The following CCDC171 variants were observed in gnomAD, a reference collection of about 807,000 sequenced individuals.
The protein encoded by CCDC171 is coiled-coil domain-containing protein 171.
A neutral mutation model predicts 168.2 loss-of-function variants in CCDC171; 177 were observed. The ratio of observed to expected loss-of-function variants is 1.05; its 90% CI spans 0.93 to 1.19. CCDC171 has a LOEUF of 1.19. Among genes scored for constraint, CCDC171 ranks in the 50% most tolerant of loss-of-function variants. The pLI is 0.00. For missense variants in CCDC171, 1,991 were observed against 1,539.0 expected (o/e 1.29, Z -4.91); for synonymous variants, 687 against 540.8 (o/e 1.27, Z -3.75).
chr9:15,586,444 A>G (rs1325231788), intron 4 of CCDC171, among the ~76,000 whole-genome samples: 4 of 152,216 alleles, frequency 2.6e-5, no homozygotes, highest in Non-Finnish European at 5.9e-5. Context: ...ATGGATGAGG[A>G]ATAACTGAGT....
intron 24 of CCDC171, among the ~76,000 whole-genome samples, chr9:15,914,399 A>G (rs1399340956): frequency 6.6e-6 from 1 of 152,170 alleles, no homozygotes; most frequent in Non-Finnish European, 1.5e-5. Context: ...GCTGAACTGC[A>G]GTGGGCTCTG....
intron 24 of CCDC171, among the ~76,000 whole-genome samples, chr9:15,906,801 A>G (rs1015660402): frequency 6.6e-6 from 1 of 152,130 alleles, no homozygotes; most frequent in African/African-American, 2.4e-5. Context: ...AATCTCCTTA[A>G]GCTGATAAGC....
intron 16 of CCDC171, among the ~76,000 whole-genome samples, chr9:15,741,263 C>T (rs866308331): frequency 6.6e-6 from 1 of 152,146 alleles, no homozygotes; most frequent in East Asian, 1.9e-4. Flanking sequence ...AAACAGAAAC[C>T]CTGAACTCGT....
At chr9:16,042,603 C>G (rs1293922589), upstream of CCDC171, among the ~76,000 whole-genome samples, 1 of 151,812 alleles carries the variant, frequency 6.6e-6, no homozygotes, top group Non-Finnish European at 1.5e-5. Flanking sequence ...AGCTCAGTCT[C>G]TGGGGCACAT....
chr9:15,630,741 C>G (rs1208701457), intron 7 of CCDC171, among the ~76,000 whole-genome samples: 2 of 151,680 alleles, frequency 1.3e-5, no homozygotes, highest in East Asian at 1.9e-4. Flanking sequence ...CAGCACCACA[C>G]CTACTCCAAA....
intron 25 of CCDC171, among the ~76,000 whole-genome samples, chr9:15,942,598 A>G (rs1430656873): frequency 1.3e-5 from 2 of 152,082 alleles, no homozygotes; most frequent in East Asian, 3.9e-4. Context: ...GGTGAGGAAT[A>G]TACTAGTAGA....
chr9:15,596,807 C>G (rs2042403745), intron 6 of CCDC171, among the ~76,000 whole-genome samples: 1 of 151,980 alleles, frequency 6.6e-6, no homozygotes, highest in Admixed American at 6.6e-5. Flanking sequence ...TGTTTGTATC[C>G]TCTTTTATTT....
chr9:15,837,274 T>C (rs898360718), intron 21 of CCDC171, among the ~76,000 whole-genome samples: 5 of 152,300 alleles, frequency 3.3e-5, no homozygotes, highest in South Asian at 4.1e-4. Flanking sequence ...CACCACTAGA[T>C]GGCGATCTCG....
chr9:15,993,473 C>T (rs1388910933), intron 3 of CCDC171, among the ~76,000 whole-genome samples: 1 of 152,138 alleles, frequency 6.6e-6, no homozygotes, highest in African/African-American at 2.4e-5. Flanking sequence ...AAATGGTAGG[C>T]CTAAACCCAT....
chr9:15,714,495 T>G (rs775096938), intron 11 of CCDC171, among the ~76,000 whole-genome samples: 1 of 152,220 alleles, frequency 6.6e-6, no homozygotes. Context: ...GCTCCTACCC[T>G]GACTACAGAA....
intron 23 of CCDC171, among the ~76,000 whole-genome samples, chr9:15,855,943 G>A (rs1229053948): frequency 6.6e-6 from 1 of 151,890 alleles, no homozygotes; most frequent in Non-Finnish European, 1.5e-5. Context: ...AAGAAAAAGA[G>A]GAGTTACAAA....
chr9:15,863,906 A>G (rs1050319923), intron 23 of CCDC171, among the ~76,000 whole-genome samples: 11 of 151,978 alleles, frequency 7.2e-5, no homozygotes, highest in African/African-American at 2.4e-4. Context: ...GTTGTTTTGT[A>G]TTTAGTGACA....
intron 1 of CCDC171, among the ~76,000 whole-genome samples, chr9:15,559,750 T>C (rs2039119416): frequency 6.6e-6 from 1 of 152,152 alleles, no homozygotes. Flanking sequence ...AATATTGGTA[T>C]GTGTGAATTT....
In CCDC171 at chr9:15,971,840, C is replaced by A. The variant is rs760715331; in HGVS notation, c.*4C>A. 1.2e-6 allele frequency: 2 copies of A among 1,601,070 alleles called. No homozygotes were observed. Among genetic ancestry groups the A allele is most frequent in the Admixed American group, 3.4e-5 (2 of 59,408 alleles). On this transcript the variant is annotated 3_prime_UTR_variant, in exon 26 of 26. Transcript: ENST00000380701. ...ACCAACTCAGATTGGATTATGACTT[C>A]ATGAAATTAAAAAATGGAGGAAGAG...
At chr9:15,966,498 T>C (rs1830802116) in intron 25 of CCDC171, among the ~76,000 whole-genome samples, 1 of 152,158 alleles carries the variant, frequency 6.6e-6, no homozygotes, top group Non-Finnish European at 1.5e-5. Flanking sequence ...ATCAAACGAG[T>C]AGCCAAGGCT....
At chr9:15,619,714 A>G (rs1265223933) in intron 6 of CCDC171, among the ~76,000 whole-genome samples, 1 of 152,216 alleles carries the variant, frequency 6.6e-6, no homozygotes, top group Non-Finnish European at 1.5e-5. Context: ...TAAACAACAG[A>G]TTTTCATTGC....
At chr9:15,902,649 C>T (rs930962321) in intron 24 of CCDC171, among the ~76,000 whole-genome samples, 2 of 152,154 alleles carry the variant, frequency 1.3e-5, no homozygotes, top group African/African-American at 4.8e-5. Context: ...ACTGAGGTAC[C>T]GGGTTCATCT....
chr9:15,590,836 C>CTTTCTTCTTCT (rs1554693267), intron 4 of CCDC171, among the ~76,000 whole-genome samples: 1 of 32,564 alleles, frequency 3.1e-5, no homozygotes, highest in Non-Finnish European at 6.9e-5. Context: ...TTTCTTTCTT[C>CTTTCTTCTTCT]TTCTTTCTTT....
intron 1 of CCDC171, among the ~76,000 whole-genome samples, chr9:15,556,782 T>C (rs975020948): frequency 2.0e-5 from 3 of 152,050 alleles, no homozygotes; most frequent in African/African-American, 7.2e-5. Context: ...TTGTTGCCAT[T>C]GCTTTTGGTG....
Sources: allele counts gnomAD v4.1 joint callset (sites outside exome capture counted in the v4.1 genomes callset), GRCh38; gene constraint gnomAD v4.1.1; transcripts MANE v1.5; gene names NCBI Gene and HGNC (gene_info 2026-07-23, HGNC 2026-07-21).